ZNRF2: variants seen among roughly 807,000 people sequenced by gnomAD.
The protein encoded by ZNRF2 is zinc and ring finger 2, also known as E3 ubiquitin-protein ligase ZNRF2.
ZNRF2 carries 16 observed loss-of-function variants against 20.4 expected under a neutral mutation model. The ratio of observed to expected loss-of-function variants is 0.79; its 90% confidence interval spans 0.53 to 1.19. ZNRF2 has a LOEUF of 1.19. ZNRF2 is among the 50% of genes most tolerant of loss of function. ZNRF2 has a pLI of 0.00. For missense variants in ZNRF2, 363 were observed against 332.4 expected, an observed-to-expected ratio of 1.09 and a Z score of -0.72; for synonymous variants, 178 against 144.9, an observed-to-expected ratio of 1.23 and a Z score of -1.64.
chr7:30,289,931 A>C, intron 1 of ZNRF2: 1 of 531,860 alleles, frequency 1.9e-6, no homozygotes, highest in Middle Eastern at 3.2e-4. Context: ...GTGACCAGTA[A>C]CTAAGTTCTT....
At chr7:30,361,615 CA>C (rs1385348859) in intron 3 of ZNRF2, among the ~76,000 whole-genome samples, 7 of 152,130 alleles carry the variant, frequency 4.6e-5, no homozygotes, top group Non-Finnish European at 8.8e-5. Flanking sequence ...AACTTTCTAC[CA>C]TAATGGAAAT....
At chr7:30,363,625 A>G (rs1327010738) in intron 4 of ZNRF2, among the ~76,000 whole-genome samples, 2 of 152,208 alleles carry the variant, frequency 1.3e-5, no homozygotes. Context: ...ATAGTAGGCA[A>G]AAAATAAAGT....
At chr7:30,343,860 T>C (rs1428674159) in intron 2 of ZNRF2, among the ~76,000 whole-genome samples, 1 of 151,672 alleles carries the variant, frequency 6.6e-6, no homozygotes, top group East Asian at 1.9e-4. Flanking sequence ...AATTCTGTCA[T>C]TATACTTTCT....
rs143999301 is a variant in ZNRF2, at chr7:30,302,052, C to T, written c.469+16226C>T. ...TGAGAACACTGATACGCTTACTTCA[C>T]AGAAAACTGAAGTCTGTTGAGGACC... On this transcript the variant is annotated intron_variant, in intron 1 of 4. Transcript: ENST00000323037. 1.4e-3 allele frequency among the ~76,000 whole-genome samples: 219 copies of T among 152,348 alleles called. 1 individual carries two copies. Among genetic ancestry groups the T allele is most frequent in the African/African-American group, 4.7e-3 (195 of 41,584 alleles).
At chr7:30,343,285 A>T (rs1799824905) in intron 2 of ZNRF2, among the ~76,000 whole-genome samples, 1 of 152,186 alleles carries the variant, frequency 6.6e-6, no homozygotes, top group Non-Finnish European at 1.5e-5. Context: ...ACTACACCTC[A>T]GCCTGGATGA....
Position 30,362,233 on chromosome 7 carries a change from G to C in ZNRF2, c.672-144G>C, listed in dbSNP as rs1800138041. 6.2e-6 allele frequency: 3 copies of C among 481,528 alleles called. No individual in the cohort carries two copies. The South Asian group carries it at 1.7e-4, about 28-fold the overall frequency. 29.8% of individuals were successfully genotyped at this position (481,528 alleles called of 1,614,324 possible). On this transcript the variant is annotated intron_variant, in intron 3 of 4. Coordinates refer to ENST00000323037, the MANE Select transcript of ZNRF2 (RefSeq NM_147128.4). ...CAAAATATAATAAACATTCTTATCT[G>C]TTGCTTATGTATGCCAAATATAATT...
rs183728318 is a variant in ZNRF2 at position 30,286,263 on chromosome 7, A to G, written c.469+437A>G. 5.3e-5 allele frequency among the ~76,000 whole-genome samples: 8 copies of G among 152,308 alleles called. No individual in the cohort carries two copies. The East Asian group carries it at 1.5e-3, about 29-fold the overall frequency. ...AAAGGCCAAAAGTCAAAGCGTCTCA[A>G]ATGAACACTGAGTTACCATGTTTGG... On this transcript the variant is annotated intron_variant, in intron 1 of 4. Transcript: ENST00000323037.
chr7:30,337,747 TAATAA>T (rs1404152440), intron 2 of ZNRF2, among the ~76,000 whole-genome samples: 1 of 151,834 alleles, frequency 6.6e-6, no homozygotes, highest in Non-Finnish European at 1.5e-5. Flanking sequence ...ATAAATAAAT[TAATAA>T]AATAATTAAT....
intron 2 of ZNRF2, among the ~76,000 whole-genome samples, chr7:30,345,545 T>A (rs146651693): frequency 0.01 from 1,597 of 152,136 alleles, 19 homozygotes; most frequent in Non-Finnish European, 0.016. Context: ...CTTTTTTTTT[T>A]AAATTATTTA....
chr7:30,333,034 C>T (rs1001480868), intron 2 of ZNRF2, among the ~76,000 whole-genome samples: 16 of 151,672 alleles, frequency 1.1e-4, no homozygotes, highest in African/African-American at 3.6e-4. Context: ...ATATCCTCAC[C>T]AACCTCTGTT....
At chr7:30,302,198 C>T (rs1256924126) in intron 1 of ZNRF2, among the ~76,000 whole-genome samples, 1 of 152,086 alleles carries the variant, frequency 6.6e-6, no homozygotes, top group South Asian at 2.1e-4. Context: ...AAAAGTGCTC[C>T]TCATTCTATA....
chr7:30,329,969 T>C (rs1438115579), intron 2 of ZNRF2, among the ~76,000 whole-genome samples: 3 of 152,234 alleles, frequency 2.0e-5, no homozygotes, highest in Non-Finnish European at 4.4e-5. Flanking sequence ...CCAGCATCTG[T>C]TATTGCCTGT....
intron 4 of ZNRF2, 100 bp downstream of exon 4, chr7:30,362,556 T>A (rs1800142933): frequency 1.7e-6 from 1 of 578,020 alleles, no homozygotes; most frequent in Non-Finnish European, 3.0e-6. Flanking sequence ...TGCATGAGTG[T>A]GTATGTGTAT....
chr7:30,288,963 C>A (rs899027036), intron 1 of ZNRF2: 1 of 152,036 alleles, frequency 6.6e-6, no homozygotes, highest in African/African-American at 2.4e-5. Flanking sequence ...TATGAGTGGT[C>A]AAATAGCCTT....
At chr7:30,295,430 C>T (rs1442195646) in intron 1 of ZNRF2, among the ~76,000 whole-genome samples, 1 of 152,156 alleles carries the variant, frequency 6.6e-6, no homozygotes, top group East Asian at 1.9e-4. Context: ...TAGAATCAGG[C>T]CAGGTACAGT....
intron 2 of ZNRF2, among the ~76,000 whole-genome samples, chr7:30,355,108 G>T (rs1019787259): frequency 1.3e-5 from 2 of 152,056 alleles, no homozygotes; most frequent in East Asian, 3.8e-4. Context: ...TCTAATTAAT[G>T]CCTGGAGTAG....
intron 1 of ZNRF2, among the ~76,000 whole-genome samples, chr7:30,315,836 C>T (rs945609448): frequency 6.6e-6 from 1 of 151,008 alleles, no homozygotes; most frequent in African/African-American, 2.4e-5. Flanking sequence ...TAAAAAACTG[C>T]TTTGGATAGC....
chr7:30,318,509 G>C (rs1189843231), intron 1 of ZNRF2, among the ~76,000 whole-genome samples: 3 of 152,044 alleles, frequency 2.0e-5, no homozygotes, highest in Non-Finnish European at 4.4e-5. Flanking sequence ...TTGGTGGTTG[G>C]AGTAATTTTT....
intron 4 of ZNRF2, among the ~76,000 whole-genome samples, chr7:30,365,780 TG>T (rs981139915): frequency 6.6e-6 from 1 of 152,188 alleles, no homozygotes; most frequent in Non-Finnish European, 1.5e-5. Flanking sequence ...GTACTTATTT[TG>T]GGGTTTTTAG....
Sources: allele counts gnomAD v4.1 joint callset (sites outside exome capture counted in the v4.1 genomes callset), GRCh38; gene constraint gnomAD v4.1.1; transcripts MANE v1.5; gene names NCBI Gene and HGNC (gene_info 2026-07-23, HGNC 2026-07-21).